Variants in ARHGAP31 observed in about 807,000 individuals in gnomAD.
ARHGAP31 encodes Rho GTPase activating protein 31, also known as rho GTPase-activating protein 31.
A neutral mutation model predicts 113.9 loss-of-function variants in ARHGAP31; 34 were observed. The ratio of observed to expected loss-of-function variants is 0.30; its 90% CI spans 0.23 to 0.40. The LOEUF is 0.40. ARHGAP31 is among the 10% of genes least tolerant of loss of function. ARHGAP31 has a pLI of 1.00. For missense variants in ARHGAP31, 1,548 were observed against 1,767.1 expected, an observed-to-expected ratio of 0.88 and a Z score of 2.22; for synonymous variants, 650 against 684.8, an observed-to-expected ratio of 0.95 and a Z score of 0.79.
At chr3:119,374,621 C>T (rs557407958) in intron 3 of ARHGAP31, among the ~76,000 whole-genome samples, 1 of 152,126 alleles carries the variant, frequency 6.6e-6, no homozygotes, top group Non-Finnish European at 1.5e-5. Flanking sequence ...TGAATGAGTT[C>T]TCACAAGATC....
chr3:119,384,848 ATCTAC>A lies in ARHGAP31; in HGVS notation c.682+1624_682+1628del, dbSNP rs1439669724. Among the ~76,000 whole-genome samples, 4 of 152,118 alleles carry A rather than the reference ATCTAC, an allele frequency of 2.6e-5. No homozygotes were observed. The East Asian group carries it at 7.7e-4, about 29-fold the overall frequency. On this transcript the variant is annotated intron_variant, in intron 6 of 11. Transcript: ENST00000264245. ...CCCCCACAGGCCCTGGCAACCACTA[ATCTAC>A]TTTCTAGTTGTATGGATTTGCCTTT...
chr3:119,324,922 C>T (rs111747507), intron 1 of ARHGAP31: 1 of 456,706 alleles, frequency 2.2e-6, no homozygotes. Context: ...AATGAAGGTG[C>T]TATACTTTAC....
chr3:119,384,041 T>A (rs1027820823), intron 6 of ARHGAP31, among the ~76,000 whole-genome samples: 1 of 152,250 alleles, frequency 6.6e-6, no homozygotes, highest in African/African-American at 2.4e-5. Flanking sequence ...ATGCTGATGC[T>A]GCTGTTCAGG....
intron 1 of ARHGAP31, among the ~76,000 whole-genome samples, chr3:119,325,482 C>T (rs73854486): frequency 0.014 from 2,172 of 152,268 alleles, 49 homozygotes; most frequent in African/African-American, 0.048. Context: ...ACTGCTGGGT[C>T]GGGAGTCTGC....
intron 1 of ARHGAP31, among the ~76,000 whole-genome samples, chr3:119,341,250 A>G (rs936943722): frequency 2.6e-5 from 4 of 152,078 alleles, no homozygotes; most frequent in African/African-American, 9.7e-5. Flanking sequence ...GGTGGGGAGG[A>G]GAGGGTGCAT....
At chr3:119,397,148 T>A (rs1450907501) in intron 8 of ARHGAP31, among the ~76,000 whole-genome samples, 2 of 152,174 alleles carry the variant, frequency 1.3e-5, no homozygotes, top group East Asian at 1.9e-4. Flanking sequence ...AATATAGTCA[T>A]AGGCCACAGG....
At chr3:119,396,085 A>G (rs1186988825) in intron 8 of ARHGAP31, among the ~76,000 whole-genome samples, 1 of 152,218 alleles carries the variant, frequency 6.6e-6, no homozygotes, top group Non-Finnish European at 1.5e-5. Flanking sequence ...AAAAATAACA[A>G]AACAAAACAA....
At chr3:119,297,146 A>C (rs2079539776) in intron 1 of ARHGAP31, among the ~76,000 whole-genome samples, 2 of 152,258 alleles carry the variant, frequency 1.3e-5, no homozygotes, top group African/African-American at 4.8e-5. Flanking sequence ...TGGAAATAAG[A>C]GTAATTAGAA....
At chr3:119,320,583 A>G (rs2079774023) in intron 1 of ARHGAP31, among the ~76,000 whole-genome samples, 1 of 152,126 alleles carries the variant, frequency 6.6e-6, no homozygotes, top group South Asian at 2.1e-4. Context: ...TTACTCCCTT[A>G]CCTCCTATCT....
chr3:119,352,530 C>T (rs2080118874), intron 1 of ARHGAP31, among the ~76,000 whole-genome samples: 2 of 152,184 alleles, frequency 1.3e-5, no homozygotes, highest in South Asian at 4.1e-4. Flanking sequence ...AGAGGTTGTC[C>T]CTTCTGACCC....
At chr3:119,302,727 A>G (rs2079595287) in intron 1 of ARHGAP31, among the ~76,000 whole-genome samples, 1 of 152,202 alleles carries the variant, frequency 6.6e-6, no homozygotes, top group Admixed American at 6.5e-5. Context: ...GATCTGTATG[A>G]CTCCTAAGGC....
intron 4 of ARHGAP31, among the ~76,000 whole-genome samples, chr3:119,381,291 T>C (rs1037251368): frequency 1.3e-5 from 2 of 152,176 alleles, no homozygotes; most frequent in African/African-American, 4.8e-5. Context: ...TACCCAGATT[T>C]GTAGCATAAC....
chr3:119,339,601 G>C (rs936658100), intron 1 of ARHGAP31, among the ~76,000 whole-genome samples: 1 of 152,048 alleles, frequency 6.6e-6, no homozygotes, highest in Non-Finnish European at 1.5e-5. Context: ...CCTCCGACCC[G>C]CCGCATCTCC....
At chr3:119,300,657 C>G (rs905198915) in intron 1 of ARHGAP31, among the ~76,000 whole-genome samples, 1 of 151,764 alleles carries the variant, frequency 6.6e-6, no homozygotes, top group Non-Finnish European at 1.5e-5. Context: ...GGTGAAACCC[C>G]GTCTCTACTA....
chr3:119,335,769 C>T (rs1359887192), intron 1 of ARHGAP31, among the ~76,000 whole-genome samples: 1 of 152,192 alleles, frequency 6.6e-6, no homozygotes, highest in Non-Finnish European at 1.5e-5. Flanking sequence ...GAAAGAGCAA[C>T]AGACATTTGT....
chr3:119,346,914 A>G (rs1354992151), intron 1 of ARHGAP31, among the ~76,000 whole-genome samples: 2 of 152,228 alleles, frequency 1.3e-5, no homozygotes, highest in African/African-American at 2.4e-5. Context: ...GGCAGGTTCA[A>G]TACAATGATC....
At chr3:119,360,086 T>C (rs934337712) in intron 1 of ARHGAP31, among the ~76,000 whole-genome samples, 4 of 152,208 alleles carry the variant, frequency 2.6e-5, no homozygotes, top group African/African-American at 4.8e-5. Context: ...CTCCTGCCTC[T>C]TCCCTGCTTT....
Position 119,332,803 on chromosome 3 carries a change from G to C in ARHGAP31, c.101-32513G>C, listed in dbSNP as rs563365233. Among the ~76,000 whole-genome samples the C allele has an allele frequency of 5.3e-5, 8 of 152,160 alleles. No homozygotes were observed. The South Asian group carries it at 1.2e-3, about 24-fold the overall frequency. ...TTGACAAGTAGCAGGCAATTGTCAT[G>C]GTCTTTGTCCCTGACTTCCTGACAG... On this transcript the variant is annotated intron_variant, in intron 1 of 11. Coordinates refer to ENST00000264245, the MANE Select transcript of ARHGAP31 (RefSeq NM_020754.4).
At chr3:119,328,453 C>G (rs1037630076) in intron 1 of ARHGAP31, among the ~76,000 whole-genome samples, 1 of 152,132 alleles carries the variant, frequency 6.6e-6, no homozygotes, top group African/African-American at 2.4e-5. Flanking sequence ...CTGGAGGGCC[C>G]TTCTTTCTTT....
Sources: gnomAD v4.1 joint callset for allele counts (sites outside exome capture counted in the v4.1 genomes callset) on GRCh38, gnomAD v4.1.1 for gene constraint, MANE v1.5 for transcripts, NCBI Gene and HGNC (gene_info 2026-07-23, HGNC 2026-07-21) for gene names.